PPP1R9A: variants seen among roughly 807,000 people sequenced by gnomAD.
The protein encoded by PPP1R9A is neurabin-1.
In PPP1R9A, 59 loss-of-function variants were observed where a neutral mutation model predicts 141.9. That is an observed-to-expected ratio of 0.42 (90% CI 0.34 to 0.52). The LOEUF is 0.52. PPP1R9A is among the 20% of genes least tolerant of loss of function. The pLI is 0.10. For synonymous variants in PPP1R9A, 500 were observed against 569.7 expected (o/e 0.88, Z 1.74); for missense variants, 1,444 against 1,611.9 (o/e 0.90, Z 1.78).
At position 95,106,403 on chromosome 7, in the gene PPP1R9A, C is replaced by T. The variant is rs1330856665; in HGVS notation, c.1396-4856C>T. On this transcript the variant is annotated intron_variant, in intron 2 of 19. Transcript: ENST00000433360. ...AATTGGGACCATACCAATTGGGGAT[C>T]GTATGAATTGGGAATATCTTTCTCT... Among the ~76,000 whole-genome samples the T allele has an allele frequency of 2.6e-5, 4 of 152,184 alleles. 1 individual carries two copies. Among genetic ancestry groups the T allele is most frequent in the South Asian group, 4.1e-4 (2 of 4,826 alleles).
intron 2 of PPP1R9A, among the ~76,000 whole-genome samples, chr7:95,080,657 G>T (rs1187476661): frequency 6.6e-6 from 1 of 152,146 alleles, no homozygotes. Flanking sequence ...AAAGAACAAA[G>T]CTGGAGGCAT....
At chr7:95,077,215 T>G (rs917858677) in intron 2 of PPP1R9A, among the ~76,000 whole-genome samples, 1 of 152,268 alleles carries the variant, frequency 6.6e-6, no homozygotes, top group Non-Finnish European at 1.5e-5. Context: ...TTTTATTTTT[T>G]TGTTTCTAAT....
At chr7:94,973,062 A>C (rs142877984) in intron 2 of PPP1R9A, among the ~76,000 whole-genome samples, 1 of 152,320 alleles carries the variant, frequency 6.6e-6, no homozygotes, top group African/African-American at 2.4e-5. Context: ...GTACTTTTCC[A>C]GGATGTTTCA....
Position 95,288,701 on chromosome 7 carries a change from G to T in PPP1R9A, c.3895G>T (p.Asp1299Tyr). The change falls in exon 19 of 20, where the codon GAT (aspartate) becomes TAT (tyrosine). Residue 1299 changes from aspartate (D) to tyrosine (Y), a missense_variant. Coordinates refer to ENST00000433360, the MANE Select transcript of PPP1R9A (RefSeq NM_001166160.2). The part of the protein sequence containing the change: ...NITGEQLLQL[D>Y]GNKLKALGMT... ...CACTGGAGAACAGCTCCTGCAGTTGGATGGAAATAAACTTAAGGTAAAGAA... is the reference window on the plus strand; with the variant it reads ...CACTGGAGAACAGCTCCTGCAGTTGTATGGAAATAAACTTAAGGTAAAGAA... 6.2e-7 allele frequency: 1 copy of T among 1,613,876 alleles called. No individual in the cohort carries two copies.
chr7:94,968,139 G>A (rs555612711), intron 2 of PPP1R9A, among the ~76,000 whole-genome samples: 2 of 152,102 alleles, frequency 1.3e-5, no homozygotes, highest in South Asian at 2.1e-4. Flanking sequence ...TCTTCTTGTC[G>A]CATTGATCCC....
intron 4 of PPP1R9A, among the ~76,000 whole-genome samples, chr7:95,142,630 A>G (rs1194713815): frequency 1.3e-5 from 2 of 152,066 alleles, no homozygotes; most frequent in African/African-American, 2.4e-5. Flanking sequence ...TTTCCATTGA[A>G]TGATCTTGGC....
intron 2 of PPP1R9A, among the ~76,000 whole-genome samples, chr7:95,079,339 A>G (rs1212203437): frequency 6.6e-6 from 1 of 152,130 alleles, no homozygotes; most frequent in Admixed American, 6.6e-5. Flanking sequence ...CCATTGATCT[A>G]TATCTCTGTT....
At chr7:94,974,262 T>C (rs1799183521) in intron 2 of PPP1R9A, among the ~76,000 whole-genome samples, 1 of 152,164 alleles carries the variant, frequency 6.6e-6, no homozygotes, top group Admixed American at 6.5e-5. Context: ...ATTGCATTTT[T>C]AAAGGCAGTC....
At chr7:95,045,659 C>G (rs1563162179) in intron 2 of PPP1R9A, among the ~76,000 whole-genome samples, 1 of 152,206 alleles carries the variant, frequency 6.6e-6, no homozygotes, top group East Asian at 1.9e-4. Context: ...GCGCCTGTGA[C>G]CAATGATCAT....
chr7:94,953,644 G>T (rs1052729620), intron 2 of PPP1R9A, among the ~76,000 whole-genome samples: 1 of 152,040 alleles, frequency 6.6e-6, no homozygotes, highest in African/African-American at 2.4e-5. Context: ...TTGAGCAGTG[G>T]TTTGTGGTTC....
intron 2 of PPP1R9A, among the ~76,000 whole-genome samples, chr7:94,945,178 G>A (rs144372506): frequency 6.6e-6 from 1 of 152,088 alleles, no homozygotes; most frequent in Admixed American, 6.6e-5. Flanking sequence ...ATTTGTGTTA[G>A]GTCTCTCAGC....
chr7:95,030,637 GACA>G (rs1807537394), intron 2 of PPP1R9A, among the ~76,000 whole-genome samples: 2 of 152,064 alleles, frequency 1.3e-5, no homozygotes, highest in South Asian at 4.2e-4. Flanking sequence ...CCATTATAAT[GACA>G]ACAAAGAAAA....
At chr7:95,005,885 A>G (rs1449969737) in intron 2 of PPP1R9A, among the ~76,000 whole-genome samples, 1 of 152,176 alleles carries the variant, frequency 6.6e-6, no homozygotes, top group African/African-American at 2.4e-5. Flanking sequence ...GTTACCAGAC[A>G]TAAATTATTA....
At chr7:94,984,777 A>T (rs745928740) in intron 2 of PPP1R9A, among the ~76,000 whole-genome samples, 2 of 152,092 alleles carry the variant, frequency 1.3e-5, no homozygotes, top group Non-Finnish European at 2.9e-5. Context: ...CTTTTCAAAA[A>T]AGCAGCTCCT....
intron 2 of PPP1R9A, among the ~76,000 whole-genome samples, chr7:94,929,008 T>C (rs1584256313): frequency 6.6e-6 from 1 of 152,322 alleles, no homozygotes; most frequent in East Asian, 1.9e-4. Flanking sequence ...AGTAAAGGTG[T>C]TGGCCTGATG....
chr7:95,010,253 A>T (rs59881954), intron 2 of PPP1R9A, among the ~76,000 whole-genome samples: 7,395 of 152,010 alleles, frequency 0.049, 715 homozygotes, highest in East Asian at 0.41. Context: ...ATAATAATAA[A>T]AATAGCTGGG....
intron 5 of PPP1R9A, among the ~76,000 whole-genome samples, chr7:95,178,336 T>C (rs1463508464): frequency 1.3e-5 from 2 of 152,012 alleles, no homozygotes; most frequent in Non-Finnish European, 2.9e-5. Context: ...TCAAACTGAA[T>C]GACAGCAGTG....
intron 2 of PPP1R9A, among the ~76,000 whole-genome samples, chr7:95,096,435 G>GC (rs888023652): frequency 3.9e-5 from 6 of 151,914 alleles, no homozygotes; most frequent in African/African-American, 1.5e-4. Flanking sequence ...CAAATGACTG[G>GC]CCCCCCTCAC....
At chr7:95,198,120 T>C (rs1226184524) in intron 5 of PPP1R9A, among the ~76,000 whole-genome samples, 3 of 152,148 alleles carry the variant, frequency 2.0e-5, no homozygotes, top group Non-Finnish European at 4.4e-5. Flanking sequence ...ATTTTTATGG[T>C]CCTTTACTTT....
Sources: allele counts gnomAD v4.1 joint callset (sites outside exome capture counted in the v4.1 genomes callset), GRCh38; gene constraint gnomAD v4.1.1; transcripts MANE v1.5; gene names NCBI Gene and HGNC (gene_info 2026-07-23, HGNC 2026-07-21).